EML6: variants seen among roughly 807,000 people sequenced by gnomAD.
EML6 encodes the protein EMAP like 6, also known as echinoderm microtubule-associated protein-like 6.
In EML6, 154 loss-of-function variants were observed where a neutral mutation model predicts 240.1. The observed-to-expected ratio is 0.64, with a 90% CI of 0.56 to 0.73. EML6 has a LOEUF of 0.73. Ranked by LOEUF, EML6 falls within the 30% of genes least tolerant of loss-of-function variation. The pLI is 0.00. For synonymous variants in EML6, 1,148 were observed against 899.0 expected (o/e 1.28, Z -4.95); for missense variants, 2,964 against 2,474.6 (o/e 1.20, Z -4.20).
chr2:54,867,357 A>G (rs1018818010), intron 14 of EML6: 1 of 152,836 alleles, frequency 6.5e-6, no homozygotes, highest in African/African-American at 2.4e-5. Context: ...AAACTTTTTA[A>G]TGTCGGTTTA....
intron 2 of EML6, among the ~76,000 whole-genome samples, chr2:54,808,042 CT>C (rs1281055821): frequency 6.6e-6 from 1 of 152,212 alleles, no homozygotes; most frequent in Admixed American, 6.5e-5. Flanking sequence ...GGGACCCCCC[CT>C]GCTTAACTAT....
chr2:54,952,210 T>A (rs749231788), intron 30 of EML6, among the ~76,000 whole-genome samples: 2 of 152,162 alleles, frequency 1.3e-5, no homozygotes, highest in Non-Finnish European at 2.9e-5. Flanking sequence ...CACCCCTACT[T>A]CTGCCCAGAT....
chr2:54,926,922 A>T (rs1674579031), intron 26 of EML6, among the ~76,000 whole-genome samples: 1 of 151,992 alleles, frequency 6.6e-6, no homozygotes, highest in South Asian at 2.1e-4. Context: ...GGGTGTAGAG[A>T]GGCATTTCTC....
chr2:54,866,690 C>T lies in EML6; in HGVS notation c.1933-76C>T, dbSNP rs1212240569. The T allele has an allele frequency of 4.2e-6, 3 of 712,572 alleles. No individual in the cohort carries two copies. In the African/African-American group the frequency reaches 5.4e-5, roughly 13 times the overall value. 44.1% of individuals were successfully genotyped at this position (712,572 alleles called of 1,614,324 possible). On this transcript the variant is annotated intron_variant, in intron 13 of 41. Coordinates refer to ENST00000356458, the MANE Select transcript of EML6 (RefSeq NM_001039753.4). ...TTTATTGAAGCAATTAAAGATTTTA[C>T]AAGAATGTCAAGATGCTGATATTTT...
intron 2 of EML6, among the ~76,000 whole-genome samples, chr2:54,790,880 C>G (rs377598386): frequency 6.6e-6 from 1 of 151,902 alleles, no homozygotes; most frequent in Non-Finnish European, 1.5e-5. Context: ...CGCCTGCCAC[C>G]GCGCCCAGCT....
chr2:54,918,765 C>G (rs931896375), intron 26 of EML6, among the ~76,000 whole-genome samples: 1 of 152,176 alleles, frequency 6.6e-6, no homozygotes, highest in Admixed American at 6.5e-5. Context: ...AAATTCTTGG[C>G]AAATGTCTTG....
chr2:54,727,487 T>C (rs1437486289), intron 2 of EML6, among the ~76,000 whole-genome samples: 2 of 152,242 alleles, frequency 1.3e-5, no homozygotes, highest in Admixed American at 1.3e-4. Flanking sequence ...AATATCTTTT[T>C]CTGGTGAAGA....
intron 28 of EML6, among the ~76,000 whole-genome samples, chr2:54,944,422 C>A (rs1300947238): frequency 6.6e-6 from 1 of 152,152 alleles, no homozygotes; most frequent in Non-Finnish European, 1.5e-5. Flanking sequence ...ATTTCGCCAA[C>A]CTTTCTTTAA....
chr2:54,936,414 T>C (rs1051237206), intron 28 of EML6, among the ~76,000 whole-genome samples: 1 of 152,222 alleles, frequency 6.6e-6, no homozygotes, highest in Admixed American at 6.5e-5. Flanking sequence ...CATTTCTTCC[T>C]CACTTAACCG....
At chr2:54,737,301 T>C (rs1056607382) in intron 2 of EML6, among the ~76,000 whole-genome samples, 2 of 152,060 alleles carry the variant, frequency 1.3e-5, no homozygotes, top group African/African-American at 2.4e-5. Context: ...TGTTTTCTTT[T>C]TGTTTTTGTT....
intron 2 of EML6, among the ~76,000 whole-genome samples, chr2:54,807,575 A>T (rs1346953064): frequency 1.3e-5 from 2 of 152,202 alleles, no homozygotes; most frequent in Non-Finnish European, 2.9e-5. Context: ...CCAATGTGAC[A>T]TCATTGAAAA....
At chr2:54,948,995 C>T (rs371004841) in intron 29 of EML6, 35 bp downstream of exon 29, 27 of 1,430,494 alleles carry the variant, frequency 1.9e-5, no homozygotes, top group African/African-American at 2.8e-5. Flanking sequence ...CTGATATTGA[C>T]GTTCTAAGAC....
intron 28 of EML6, among the ~76,000 whole-genome samples, chr2:54,946,617 C>CT (rs1332282351): frequency 1.3e-5 from 2 of 152,184 alleles, no homozygotes; most frequent in African/African-American, 4.8e-5. Context: ...TGGAAAGAAG[C>CT]TTTTAATACT....
At chr2:54,875,146 A>G (rs1177887207) in intron 16 of EML6, among the ~76,000 whole-genome samples, 3 of 152,070 alleles carry the variant, frequency 2.0e-5, no homozygotes, top group Non-Finnish European at 4.4e-5. Flanking sequence ...CTCCACTGTA[A>G]CTGTGGAGTG....
At chr2:54,965,175 T>A (rs1332567772) in intron 38 of EML6, among the ~76,000 whole-genome samples, 1 of 151,842 alleles carries the variant, frequency 6.6e-6, no homozygotes, top group Non-Finnish European at 1.5e-5. Context: ...CATCCCTGGG[T>A]CCCAGGGGAA....
intron 2 of EML6, among the ~76,000 whole-genome samples, chr2:54,791,480 A>G (rs1669450592): frequency 6.6e-6 from 1 of 152,214 alleles, no homozygotes; most frequent in African/African-American, 2.4e-5. Flanking sequence ...AAGTTTATCC[A>G]TCATTGTTGG....
At chr2:54,901,759 G>C (rs763790072) in intron 22 of EML6, among the ~76,000 whole-genome samples, 1 of 152,194 alleles carries the variant, frequency 6.6e-6, no homozygotes, top group Non-Finnish European at 1.5e-5. Flanking sequence ...TGGTAAAGAG[G>C]CTCGGTATTA....
chr2:54,820,864 G>A (rs1020715119), intron 5 of EML6, among the ~76,000 whole-genome samples: 5 of 152,110 alleles, frequency 3.3e-5, no homozygotes, highest in Non-Finnish European at 5.9e-5. Context: ...TAAAAGAAAG[G>A]TGTCAAGTTG....
chr2:54,875,161 T>C (rs183088437), intron 16 of EML6, among the ~76,000 whole-genome samples: 4 of 152,214 alleles, frequency 2.6e-5, no homozygotes, highest in Non-Finnish European at 5.9e-5. Context: ...GGAGTGGACA[T>C]GGTAGTGCAT....
Sources: allele counts gnomAD v4.1 joint callset (sites outside exome capture counted in the v4.1 genomes callset), GRCh38; gene constraint gnomAD v4.1.1; transcripts MANE v1.5; gene names NCBI Gene and HGNC (gene_info 2026-07-23, HGNC 2026-07-21).